The following MDGA2 variants were observed in gnomAD, a reference collection of about 807,000 sequenced individuals.
The protein encoded by MDGA2 is MAM domain containing glycosylphosphatidylinositol anchor 2.
MDGA2 carries 40 observed loss-of-function variants against 117.8 expected under a neutral mutation model. The ratio of observed to expected loss-of-function variants is 0.34; its 90% CI spans 0.26 to 0.44. MDGA2 has a LOEUF of 0.44. MDGA2 is among the 20% of genes least tolerant of loss of function. The probability of loss-of-function intolerance (pLI) is 1.00; values close to 1 mark genes in which losing one functional copy is unlikely to be tolerated. For synonymous variants in MDGA2, 452 were observed against 439.0 expected, an observed-to-expected ratio of 1.03 and a Z score of -0.37; for missense variants, 1,123 against 1,250.6, an observed-to-expected ratio of 0.90 and a Z score of 1.54.
chr14:47,152,612 T>C (rs1331295244), intron 3 of MDGA2, among the ~76,000 whole-genome samples: 3 of 152,096 alleles, frequency 2.0e-5, no homozygotes, highest in African/African-American at 7.2e-5. Context: ...TTTACATGTC[T>C]ACAATATGGT....
chr14:47,378,044 C>T (rs550602737), intron 1 of MDGA2, among the ~76,000 whole-genome samples: 2 of 152,256 alleles, frequency 1.3e-5, no homozygotes, highest in East Asian at 1.9e-4. Flanking sequence ...CAACATTTGC[C>T]GTTCTGCCAT....
intron 1 of MDGA2, among the ~76,000 whole-genome samples, chr14:47,462,293 G>A (rs1439603721): frequency 6.6e-6 from 1 of 150,574 alleles, no homozygotes; most frequent in South Asian, 2.1e-4. Context: ...GGAGAATGAT[G>A]GGAACCTGGG....
chr14:46,937,368 A>G (rs964367754), intron 9 of MDGA2, among the ~76,000 whole-genome samples: 4 of 152,060 alleles, frequency 2.6e-5, no homozygotes, highest in Non-Finnish European at 5.9e-5. Flanking sequence ...TACTGTTACA[A>G]TGACCACACA....
intron 1 of MDGA2, among the ~76,000 whole-genome samples, chr14:47,392,498 T>C (rs2138440916): frequency 6.6e-6 from 1 of 152,262 alleles, no homozygotes; most frequent in African/African-American, 2.4e-5. Context: ...GAAAAATCTA[T>C]GTTTATTCAA....
chr14:47,461,338 G>A (rs1298931646), intron 1 of MDGA2, among the ~76,000 whole-genome samples: 1 of 148,778 alleles, frequency 6.7e-6, no homozygotes, highest in African/African-American at 2.5e-5. Flanking sequence ...AAACAGTAGG[G>A]TCCAGGCAGC....
chr14:47,665,477 T>C (rs2138302484), intron 1 of MDGA2, among the ~76,000 whole-genome samples: 1 of 152,262 alleles, frequency 6.6e-6, no homozygotes, highest in African/African-American at 2.4e-5. Context: ...GGAGCCCTTC[T>C]CCGGGCTGGC....
intron 8 of MDGA2, among the ~76,000 whole-genome samples, chr14:47,019,187 G>C (rs1263526354): frequency 6.6e-6 from 1 of 152,048 alleles, no homozygotes; most frequent in Non-Finnish European, 1.5e-5. Context: ...ACCTTGAAAA[G>C]AATGAAGCAT....
intron 9 of MDGA2, among the ~76,000 whole-genome samples, chr14:46,935,827 GT>G (rs1884759236): frequency 6.6e-6 from 1 of 152,104 alleles, no homozygotes; most frequent in South Asian, 2.1e-4. Flanking sequence ...GGCAGAAAGT[GT>G]TTGGGTTGAC....
intron 1 of MDGA2, among the ~76,000 whole-genome samples, chr14:47,602,387 A>G (rs1012051115): frequency 1.2e-4 from 18 of 152,184 alleles, no homozygotes; most frequent in Non-Finnish European, 2.1e-4. Context: ...AACTCTGATC[A>G]GATGAATCAC....
chr14:46,846,706 C>T (rs558252646), intron 15 of MDGA2, among the ~76,000 whole-genome samples: 3 of 152,228 alleles, frequency 2.0e-5, no homozygotes, highest in Admixed American at 6.5e-5. Context: ...CCAAATTATT[C>T]CTTGCTTTCA....
At chr14:47,477,112 A>T (rs937033155) in intron 1 of MDGA2, among the ~76,000 whole-genome samples, 10 of 152,354 alleles carry the variant, frequency 6.6e-5, no homozygotes, top group Admixed American at 5.9e-4. Flanking sequence ...CAGTGAGCCG[A>T]GATCGTGCCA....
chr14:47,620,824 G>A (rs973739194), intron 1 of MDGA2, among the ~76,000 whole-genome samples: 6 of 152,126 alleles, frequency 3.9e-5, no homozygotes, highest in Non-Finnish European at 8.8e-5. Flanking sequence ...TGTGTTCACC[G>A]TGACTGGGTC....
chr14:47,458,467 G>A (rs1893410197), intron 1 of MDGA2, among the ~76,000 whole-genome samples: 1 of 152,100 alleles, frequency 6.6e-6, no homozygotes, highest in Admixed American at 6.6e-5. Context: ...TGTATGGTGA[G>A]AGCAGAGGGT....
At chr14:47,102,392 CAA>C (rs757753882) in intron 5 of MDGA2, among the ~76,000 whole-genome samples, 133 of 139,588 alleles carry the variant, frequency 9.5e-4, no homozygotes, top group South Asian at 9.1e-3. Context: ...CACACACACA[CAA>C]ACACACACAC....
intron 8 of MDGA2, among the ~76,000 whole-genome samples, chr14:46,984,707 T>G (rs1263129341): frequency 6.6e-6 from 1 of 152,040 alleles, no homozygotes. Flanking sequence ...AAAGTACTGA[T>G]AGATGAATAG....
intron 9 of MDGA2, among the ~76,000 whole-genome samples, chr14:46,925,185 C>T (rs900822926): frequency 6.6e-6 from 1 of 152,150 alleles, no homozygotes; most frequent in African/African-American, 2.4e-5. Context: ...GAAAGACATG[C>T]TGTCAACTTA....
chr14:46,994,237 C>T (rs1255590251), intron 8 of MDGA2, among the ~76,000 whole-genome samples: 1 of 152,074 alleles, frequency 6.6e-6, no homozygotes, highest in African/African-American at 2.4e-5. Flanking sequence ...CACTCGGAAC[C>T]CTACCAAGCT....
intron 1 of MDGA2, among the ~76,000 whole-genome samples, chr14:47,462,926 A>G (rs1893521666): frequency 6.6e-6 from 1 of 152,262 alleles, no homozygotes; most frequent in African/African-American, 2.4e-5. Context: ...GAACTTTACT[A>G]GCAAAATTGA....
At chr14:47,047,187 T>C (rs2138705919) in intron 7 of MDGA2, among the ~76,000 whole-genome samples, 1 of 152,246 alleles carries the variant, frequency 6.6e-6, no homozygotes, top group South Asian at 2.1e-4. Context: ...TTGCTAATTA[T>C]TATTTCCAAA....
Sources: gnomAD v4.1 joint callset for allele counts (sites outside exome capture counted in the v4.1 genomes callset) on GRCh38, gnomAD v4.1.1 for gene constraint, MANE v1.5 for transcripts, NCBI Gene and HGNC (gene_info 2026-07-23, HGNC 2026-07-21) for gene names.